The following BBS12 variants were observed in gnomAD, a reference collection of about 807,000 sequenced individuals.
BBS12 encodes chaperonin-containing T-complex member BBS12.
BBS12 carries 5 observed loss-of-function variants against 5.6 expected under a neutral mutation model. That is an observed-to-expected ratio of 0.89 (90% CI 0.46 to 1.86). The LOEUF (loss-of-function observed/expected upper bound fraction) is 1.86, where lower values mean the gene tolerates loss of function less well. Among genes scored for constraint, BBS12 ranks in the 40% most tolerant of loss-of-function variants. The pLI is 0.01. For missense variants in BBS12, 748 were observed against 830.4 expected, an observed-to-expected ratio of 0.90 and a Z score of 1.22; for synonymous variants, 308 against 306.8, an observed-to-expected ratio of 1.00 and a Z score of -0.04.
At chr4:122,740,136 G>A (rs2150734839) in intron 1 of BBS12, among the ~76,000 whole-genome samples, 1 of 152,190 alleles carries the variant, frequency 6.6e-6, no homozygotes, top group East Asian at 1.9e-4. Context: ...AGCCGGGTAT[G>A]GTGGCATGCA....
the BBS12 span, among the ~76,000 whole-genome samples, chr4:122,718,712 GTGAAATGAAA>G: frequency 0.043 from 6,223 of 146,292 alleles, 172 homozygotes; most frequent in Middle Eastern, 0.13. Context: ...GGGATTCGAT[GTGAAATGAAA>G]TGAAATGAAA....
the BBS12 span, among the ~76,000 whole-genome samples, chr4:122,727,107 T>C: frequency 2.6e-5 from 4 of 151,480 alleles, no homozygotes; most frequent in Non-Finnish European, 4.4e-5. Context: ...AACATTTTTT[T>C]AAAGAAAAAA....
the BBS12 span, among the ~76,000 whole-genome samples, chr4:122,706,230 C>CT: frequency 6.6e-6 from 1 of 152,276 alleles, no homozygotes; most frequent in East Asian, 1.9e-4. Flanking sequence ...CCCTCCCTCC[C>CT]TCTCCTTCCT....
upstream of BBS12, chr4:122,732,501 C>G (rs1001749002): frequency 2.0e-5 from 3 of 152,376 alleles, no homozygotes; most frequent in Non-Finnish European, 4.4e-5. Context: ...CAAGTCTTCA[C>G]AGCTCACTGG....
chr4:122,706,612 CATG>C, the BBS12 span, among the ~76,000 whole-genome samples: 1 of 152,154 alleles, frequency 6.6e-6, no homozygotes. Context: ...CTCTTCTGTT[CATG>C]ATTTCTTTGG....
At chr4:122,731,371 T>C (rs1189439521), upstream of BBS12, 1 of 152,164 alleles carries the variant, frequency 6.6e-6, no homozygotes, top group African/African-American at 2.4e-5. Context: ...GACAAAAACC[T>C]CTTCTCCACA....
the BBS12 span, among the ~76,000 whole-genome samples, chr4:122,712,472 T>G: frequency 6.6e-6 from 1 of 152,246 alleles, no homozygotes; most frequent in Non-Finnish European, 1.5e-5. Context: ...ATTGGCATTT[T>G]GAAAGCAGAA....
the BBS12 span, among the ~76,000 whole-genome samples, chr4:122,709,400 A>G: frequency 2.0e-5 from 3 of 152,314 alleles, no homozygotes; most frequent in East Asian, 3.9e-4. Flanking sequence ...AGCTAAAAAC[A>G]TAGACTACAG....
chr4:122,719,263 T>A, the BBS12 span, among the ~76,000 whole-genome samples: 2 of 152,068 alleles, frequency 1.3e-5, no homozygotes. Context: ...GGTTTGTAAA[T>A]GCACCAATCA....
chr4:122,742,096 A>G lies in BBS12; in HGVS notation c.204A>G (p.Gln68=), dbSNP rs2150735975. 1 of 1,614,194 alleles carries G rather than the reference A, an allele frequency of 6.2e-7. No homozygotes were observed. Among genetic ancestry groups the G allele is most frequent in the Non-Finnish European group, 8.5e-7 (1 of 1,180,030 alleles). The change falls in exon 2 of 2, where the codon CAA becomes CAG. Residue 68 remains glutamine (Q), a synonymous_variant. Coordinates refer to ENST00000314218, the MANE Select transcript of BBS12 (RefSeq NM_152618.3). ...ESLDLTSAVG[Q]LLNEAVQAQN... is the part of the protein sequence containing the mutation. ...TGGATTTAACCAGTGCAGTGGGACA[A>G]CTTCTCAATGAAGCAGTTCAAGCAC... is the stretch of plus-strand genomic sequence containing the variant.
upstream of BBS12, chr4:122,732,399 G>A (rs1463278208): frequency 6.6e-6 from 1 of 152,306 alleles, no homozygotes; most frequent in Non-Finnish European, 1.5e-5. Flanking sequence ...CCCAGCAGAA[G>A]GTTACAGCTT....
intron 1 of BBS12, among the ~76,000 whole-genome samples, chr4:122,737,574 A>G (rs1800801306): frequency 6.6e-6 from 1 of 152,206 alleles, no homozygotes; most frequent in Non-Finnish European, 1.5e-5. Flanking sequence ...GAAATGAAAA[A>G]CAAAACCCAA....
the BBS12 span, among the ~76,000 whole-genome samples, chr4:122,725,503 T>C: frequency 6.6e-6 from 1 of 151,896 alleles, no homozygotes; most frequent in East Asian, 1.9e-4. Context: ...AACAAAAACA[T>C]AAAGTGGGGA....
At chr4:122,719,316 C>T in the BBS12 span, among the ~76,000 whole-genome samples, 1 of 152,104 alleles carries the variant, frequency 6.6e-6, no homozygotes, top group Non-Finnish European at 1.5e-5. Context: ...TAAAATGGAC[C>T]AATCAGCAGG....
At chr4:122,718,036 T>A in the BBS12 span, among the ~76,000 whole-genome samples, 1 of 152,172 alleles carries the variant, frequency 6.6e-6, no homozygotes, top group African/African-American at 2.4e-5. Context: ...CATCTCAGTT[T>A]TCTCAACTGT....
chr4:122,741,914 G>A lies in BBS12; in HGVS notation c.22G>A (p.Val8Ile), dbSNP rs1351171130. MVMACRV[V>I]NKRRHMGLQQ... The stretch of plus-strand genomic sequence containing the variant: ...ATACATGGTGATGGCTTGCAGAGTC[G>A]TAAACAAAAGAAGACACATGGGACT... The change falls in exon 2 of 2, where the codon GTA (valine) becomes ATA (isoleucine). Residue 8 changes from valine to isoleucine, a missense_variant. By Grantham distance (29) the Val-to-Ile change is conservative. Transcript: ENST00000314218. The A allele has an allele frequency of 2.5e-5, 41 of 1,613,916 alleles. No homozygotes were observed. The highest frequency in any genetic ancestry group is 1.4e-5 in the Non-Finnish European group (17 of 1,180,000).
rs1381368546 is a variant in BBS12 at position 122,741,996 on chromosome 4, C to A, written c.104C>A (p.Ser35Ter). 1.9e-6 allele frequency: 3 copies of A among 1,613,450 alleles called. No homozygotes were observed. The Admixed American group carries it at 5.0e-5, about 27-fold the overall frequency. Residue 35 changes from serine (S) to a stop codon, truncating the protein, a stop_gained, in exon 2 of 2, where the codon TCA becomes TAA. Coordinates refer to ENST00000314218, the MANE Select transcript of BBS12 (RefSeq NM_152618.3). LOFTEE classifies it low-confidence loss of function (END_TRUNC). ...TGRTFLGPLK[S>*]SKFIIDEECH... ...AGAACTTTCCTAGGCCCACTAAAATCATCCAAATTTATTATAGATGAAGAA... is the reference window on the plus strand; with the variant it reads ...AGAACTTTCCTAGGCCCACTAAAATAATCCAAATTTATTATAGATGAAGAA...
At chr4:122,728,283 T>C (rs1800650314), upstream of BBS12, among the ~76,000 whole-genome samples, 1 of 152,172 alleles carries the variant, frequency 6.6e-6, no homozygotes, top group African/African-American at 2.4e-5. Context: ...TAATAATTGA[T>C]ATAATGAATT....
intron 1 of BBS12, among the ~76,000 whole-genome samples, chr4:122,740,138 T>C (rs1800844231): frequency 6.6e-6 from 1 of 151,952 alleles, no homozygotes; most frequent in Non-Finnish European, 1.5e-5. Context: ...CCGGGTATGG[T>C]GGCATGCACT....
Sources: gnomAD v4.1 joint callset for allele counts (sites outside exome capture counted in the v4.1 genomes callset) on GRCh38, gnomAD v4.1.1 for gene constraint, MANE v1.5 for transcripts, NCBI Gene and HGNC (gene_info 2026-07-23, HGNC 2026-07-21) for gene names.